The following PDE4D variants were observed in gnomAD, a reference collection of about 807,000 sequenced individuals.
The protein encoded by PDE4D is 3',5'-cyclic-AMP phosphodiesterase 4D.
PDE4D carries 24 observed loss-of-function variants against 87.4 expected under a neutral mutation model. The ratio of observed to expected loss-of-function variants is 0.27; its 90% CI spans 0.20 to 0.39. The LOEUF is 0.39. Ranked by LOEUF, PDE4D falls within the 10% of genes least tolerant of loss-of-function variation. The probability of loss-of-function intolerance (pLI) is 1.00; values close to 1 mark genes in which losing one functional copy is unlikely to be tolerated. For missense variants in PDE4D, 714 were observed against 1,041.0 expected (o/e 0.69, Z 4.32); for synonymous variants, 384 against 383.2 (o/e 1.00, Z -0.02).
At chr5:60,093,232 T>C (rs951939288) in intron 2 of PDE4D, among the ~76,000 whole-genome samples, 2 of 152,168 alleles carry the variant, frequency 1.3e-5, no homozygotes, top group African/African-American at 4.8e-5. Context: ...TCTGACACGA[T>C]TTAGATCCCC....
chr5:59,802,753 G>GA (rs1425893565), intron 1 of PDE4D, among the ~76,000 whole-genome samples: 6 of 152,060 alleles, frequency 3.9e-5, no homozygotes, highest in East Asian at 3.9e-4. Context: ...TGTAAATTGT[G>GA]AAAAAAACAC....
At chr5:60,275,976 C>T (rs1229286148) in intron 1 of PDE4D, among the ~76,000 whole-genome samples, 2 of 151,928 alleles carry the variant, frequency 1.3e-5, no homozygotes, top group Non-Finnish European at 2.9e-5. Flanking sequence ...GGTTTGATTC[C>T]ACTGTGGTCA....
chr5:60,256,750 A>G (rs940949754), intron 1 of PDE4D, among the ~76,000 whole-genome samples: 5 of 151,934 alleles, frequency 3.3e-5, no homozygotes, highest in African/African-American at 1.2e-4. Flanking sequence ...AAAATTGAGG[A>G]GGCAAATGTC....
At chr5:60,419,522 T>C (rs1742908026) in intron 1 of PDE4D, among the ~76,000 whole-genome samples, 1 of 151,478 alleles carries the variant, frequency 6.6e-6, no homozygotes, top group East Asian at 1.9e-4. Flanking sequence ...ATTAGGCTAC[T>C]AGATTAGAAG....
chr5:59,339,649 G>T (rs982989013), intron 1 of PDE4D, among the ~76,000 whole-genome samples: 1 of 152,072 alleles, frequency 6.6e-6, no homozygotes, highest in Non-Finnish European at 1.5e-5. Context: ...GTGTTCCATG[G>T]GCACACGTTC....
chr5:59,996,479 T>A (rs2152835853), intron 2 of PDE4D, among the ~76,000 whole-genome samples: 1 of 152,318 alleles, frequency 6.6e-6, no homozygotes, highest in South Asian at 2.1e-4. Context: ...ATATTTGCAA[T>A]CTTAACATAT....
chr5:59,840,565 G>T (rs1742835684), intron 1 of PDE4D, among the ~76,000 whole-genome samples: 1 of 151,972 alleles, frequency 6.6e-6, no homozygotes, highest in South Asian at 2.1e-4. Context: ...GGACAGAAGG[G>T]GCTTATCTGA....
intron 2 of PDE4D, among the ~76,000 whole-genome samples, chr5:60,017,301 A>C (rs776440203): frequency 2.0e-5 from 3 of 152,118 alleles, no homozygotes; most frequent in Non-Finnish European, 4.4e-5. Context: ...AATTTAATTT[A>C]ATTTTAAGTT....
intron 6 of PDE4D, among the ~76,000 whole-genome samples, chr5:58,993,890 AAGAG>A (rs1748532711): frequency 1.3e-5 from 2 of 152,150 alleles, no homozygotes; most frequent in Non-Finnish European, 2.9e-5. Flanking sequence ...TTATTTAGAG[AAGAG>A]AGAAACTAAT....
chr5:59,177,584 C>T (rs1192230059), intron 5 of PDE4D, among the ~76,000 whole-genome samples: 1 of 152,012 alleles, frequency 6.6e-6, no homozygotes, highest in Non-Finnish European at 1.5e-5. Flanking sequence ...TGCAACCTGC[C>T]CAGGGCCACA....
chr5:59,471,057 C>T (rs1341524312), intron 1 of PDE4D, among the ~76,000 whole-genome samples: 2 of 152,098 alleles, frequency 1.3e-5, no homozygotes, highest in African/African-American at 4.8e-5. Context: ...GGTTAGGCCA[C>T]ATATTGAGAC....
intron 1 of PDE4D, among the ~76,000 whole-genome samples, chr5:59,838,393 ATC>A (rs1336953175): frequency 1.3e-5 from 2 of 152,058 alleles, no homozygotes; most frequent in Non-Finnish European, 2.9e-5. Flanking sequence ...GGGATGCCGG[ATC>A]TCCAGTCCAG....
chr5:58,974,910 C>G lies in PDE4D; in HGVS notation c.2184G>C (p.Gln728His). Residue 728 changes from glutamine to histidine, a missense_variant, in exon 15 of 15, where the codon CAG becomes CAC. Around this residue, in one of 7 missense-constraint regions of PDE4D, gnomAD observed 90 missense variants for 95.3 expected, o/e 0.94. Transcript: ENST00000340635. ...PAPDDPEEGR[Q>H]GQTEKFQFEL... is the part of the protein sequence containing the mutation. ...CAAACTGGAATTTCTCAGTTTGACC[C>G]TGCCGGCCCTCCTCTGGGTCATCAG... is the stretch of plus-strand genomic sequence containing the variant. 1.2e-6 allele frequency: 2 copies of G among 1,612,758 alleles called. No homozygotes were observed. The highest frequency in any genetic ancestry group is 8.5e-7 in the Non-Finnish European group (1 of 1,179,064).
chr5:59,135,420 C>A (rs969760571), intron 5 of PDE4D, among the ~76,000 whole-genome samples: 2 of 152,160 alleles, frequency 1.3e-5, no homozygotes, highest in African/African-American at 4.8e-5. Flanking sequence ...GTCCCTGTTT[C>A]TGGGGTTGAT....
chr5:59,448,084 G>A lies in PDE4D; in HGVS notation c.456-232116C>T, dbSNP rs375620786. On this transcript the variant is annotated intron_variant, in intron 1 of 14. Transcript: ENST00000340635. ...ATAAGCTGAAACAAAGAAGCTCATC[G>A]TAGTCAGGGGCAGATTTTAAGAAGA... Among the ~76,000 whole-genome samples, 10 of 152,328 alleles carry A rather than the reference G, an allele frequency of 6.6e-5. No homozygotes were observed. In the South Asian group the frequency reaches 1.0e-3, roughly 16 times the overall value.
intron 1 of PDE4D, among the ~76,000 whole-genome samples, chr5:59,865,697 C>G (rs1268361095): frequency 6.6e-6 from 1 of 152,158 alleles, no homozygotes; most frequent in African/African-American, 2.4e-5. Flanking sequence ...TATCCCATTT[C>G]AGATAGTGGT....
At chr5:60,315,940 T>C (rs1479613520) in intron 1 of PDE4D, among the ~76,000 whole-genome samples, 1 of 152,228 alleles carries the variant, frequency 6.6e-6, no homozygotes, top group Non-Finnish European at 1.5e-5. Flanking sequence ...AGCTTTCTTC[T>C]GTTGGCTTAG....
chr5:59,205,167 T>C (rs781261518), intron 2 of PDE4D, among the ~76,000 whole-genome samples: 1 of 152,154 alleles, frequency 6.6e-6, no homozygotes, highest in Non-Finnish European at 1.5e-5. Flanking sequence ...GTGGTCCTTG[T>C]CAAAGTCAGA....
intron 3 of PDE4D, among the ~76,000 whole-genome samples, chr5:59,925,362 T>C (rs1755144190): frequency 6.6e-6 from 1 of 151,892 alleles, no homozygotes; most frequent in African/African-American, 2.4e-5. Flanking sequence ...TCAAAAAACA[T>C]ACAACTGATA....
Sources: gnomAD v4.1 joint callset for allele counts (sites outside exome capture counted in the v4.1 genomes callset) on GRCh38, gnomAD v4.1.1 for gene constraint, gnomAD v4.1.1 regional missense constraint, MANE v1.5 for transcripts, NCBI Gene and HGNC (gene_info 2026-07-23, HGNC 2026-07-21) for gene names.